BMPR1B: variants seen among roughly 807,000 people sequenced by gnomAD.
The protein encoded by BMPR1B is bone morphogenetic protein receptor type 1B.
Under a neutral mutation model 59.1 loss-of-function variants are expected in BMPR1B, and 12 were observed. The ratio of observed to expected loss-of-function variants is 0.20; its 90% CI spans 0.13 to 0.33. The LOEUF (loss-of-function observed/expected upper bound fraction) is 0.33. Among genes scored for constraint, BMPR1B ranks in the 10% least tolerant of loss-of-function variants. The pLI is 1.00. For missense variants in BMPR1B, 550 were observed against 610.9 expected (o/e 0.90, Z 1.05); for synonymous variants, 237 against 207.3 (o/e 1.14, Z -1.23).
intron 3 of BMPR1B, among the ~76,000 whole-genome samples, chr4:95,028,436 C>T (rs1043419034): frequency 6.6e-5 from 10 of 152,058 alleles, no homozygotes; most frequent in African/African-American, 1.4e-4. Context: ...CCAAGACTGT[C>T]AAGGGGTATT....
chr4:95,109,698 TTTTA>T (rs777954429), intron 4 of BMPR1B, among the ~76,000 whole-genome samples: 9,726 of 61,848 alleles, frequency 0.16, 381 homozygotes, highest in Middle Eastern at 0.23. Context: ...TAGAACTTCT[TTTTA>T]TTATTATTAT....
At chr4:94,895,408 A>G (rs576884077) in intron 2 of BMPR1B, among the ~76,000 whole-genome samples, 36 of 151,940 alleles carry the variant, frequency 2.4e-4, no homozygotes, top group Admixed American at 7.9e-4. Context: ...TCTTTTTTTT[A>G]ACAAAACCTT....
intron 1 of BMPR1B, among the ~76,000 whole-genome samples, chr4:94,790,675 T>C (rs1283926611): frequency 6.6e-6 from 1 of 152,224 alleles, no homozygotes; most frequent in Non-Finnish European, 1.5e-5. Context: ...TTGCTATATC[T>C]TCCTACAGTT....
At chr4:95,053,281 TTGTGTGTGTGTGTG>T (rs60404669) in intron 3 of BMPR1B, among the ~76,000 whole-genome samples, 11 of 134,252 alleles carry the variant, frequency 8.2e-5, no homozygotes, top group Admixed American at 1.5e-4. Context: ...TGCAGGGCAC[TTGTGTGTGTGTGTG>T]TGTGTGTGTG....
At chr4:95,152,795 T>A in intron 12 of BMPR1B, 22 bp downstream of exon 12, 1 of 1,611,028 alleles carries the variant, frequency 6.2e-7, no homozygotes, top group Non-Finnish European at 8.5e-7. Context: ...GGTAACCATG[T>A]GGCTGTGACA....
chr4:94,942,536 G>A (rs937550221), intron 2 of BMPR1B, among the ~76,000 whole-genome samples: 7 of 152,136 alleles, frequency 4.6e-5, no homozygotes, highest in East Asian at 1.9e-4. Flanking sequence ...TTAATAGGCA[G>A]CAAATTAAAT....
chr4:95,140,293 A>G (rs1734130109), intron 10 of BMPR1B, among the ~76,000 whole-genome samples: 1 of 152,160 alleles, frequency 6.6e-6, no homozygotes, highest in African/African-American at 2.4e-5. Flanking sequence ...ATGATTCCAT[A>G]TGGAACACAG....
intron 2 of BMPR1B, among the ~76,000 whole-genome samples, chr4:94,954,342 A>G (rs1404979067): frequency 1.3e-5 from 2 of 152,216 alleles, no homozygotes; most frequent in African/African-American, 4.8e-5. Flanking sequence ...GGCTGAGTGA[A>G]AAGAGTGAGA....
chr4:94,910,439 C>T (rs1728229045), intron 2 of BMPR1B, among the ~76,000 whole-genome samples: 1 of 152,068 alleles, frequency 6.6e-6, no homozygotes, highest in Non-Finnish European at 1.5e-5. Flanking sequence ...ATTGAAGTCT[C>T]TTGAATTCTT....
chr4:94,924,128 G>A (rs1292582368), intron 2 of BMPR1B, among the ~76,000 whole-genome samples: 2 of 152,086 alleles, frequency 1.3e-5, no homozygotes, highest in South Asian at 2.1e-4. Context: ...TGTATTACCC[G>A]TATATGGCAA....
chr4:94,761,530 C>T (rs1034688140), intron 1 of BMPR1B, among the ~76,000 whole-genome samples: 8 of 151,176 alleles, frequency 5.3e-5, no homozygotes, highest in East Asian at 1.9e-4. Context: ...AAGTTTTCTT[C>T]AGAGACTACC....
intron 3 of BMPR1B, among the ~76,000 whole-genome samples, chr4:95,023,898 A>G (rs564293402): frequency 1.2e-4 from 19 of 152,290 alleles, no homozygotes; most frequent in South Asian, 2.1e-4. Context: ...CATTTGTTCA[A>G]TGTGACAATA....
chr4:95,080,378 A>G (rs1003254260), intron 3 of BMPR1B, among the ~76,000 whole-genome samples: 3 of 152,100 alleles, frequency 2.0e-5, no homozygotes, highest in African/African-American at 7.2e-5. Context: ...CAGGGATTAC[A>G]GGTGTCCACA....
At chr4:94,890,607 A>T (rs928987562) in intron 2 of BMPR1B, among the ~76,000 whole-genome samples, 21 of 152,106 alleles carry the variant, frequency 1.4e-4, no homozygotes, top group African/African-American at 4.3e-4. Flanking sequence ...CTTAAACAAC[A>T]GAAGTTTATT....
chr4:94,771,770 T>A (rs991685256), intron 1 of BMPR1B, among the ~76,000 whole-genome samples: 4 of 152,208 alleles, frequency 2.6e-5, no homozygotes. Flanking sequence ...CTAACTACAG[T>A]GACATTTTAG....
chr4:95,148,935 T>TCC lies in BMPR1B; in HGVS notation c.1252+12_1252+13insCC. 6.2e-7 allele frequency: 1 copy of TCC among 1,613,820 alleles called. No homozygotes were observed. Among genetic ancestry groups the TCC allele is most frequent in the Non-Finnish European group, 8.5e-7 (1 of 1,179,738 alleles). ...ATGTGTATCAGGAGGTAAGAAACAG[T>TCC]GCTGTCTTTGAAAAGCTACTATTGG... On this transcript the variant is annotated intron_variant, in intron 11 of 12. Coordinates refer to ENST00000515059, the MANE Select transcript of BMPR1B (RefSeq NM_001203.3).
intron 1 of BMPR1B, among the ~76,000 whole-genome samples, chr4:94,768,495 A>G (rs1288744434): frequency 6.6e-6 from 1 of 151,950 alleles, no homozygotes; most frequent in Non-Finnish European, 1.5e-5. Flanking sequence ...TCACCTTCTC[A>G]TTTTTCCCTC....
At chr4:94,945,063 T>C (rs1353055714) in intron 2 of BMPR1B, among the ~76,000 whole-genome samples, 1 of 152,200 alleles carries the variant, frequency 6.6e-6, no homozygotes, top group Admixed American at 6.5e-5. Context: ...ATAGGCCCCA[T>C]GTATGGAACA....
intron 1 of BMPR1B, among the ~76,000 whole-genome samples, chr4:94,837,887 C>G (rs1724887658): frequency 1.4e-5 from 2 of 142,380 alleles, no homozygotes; most frequent in African/African-American, 5.3e-5. Context: ...ATGATATTGT[C>G]TGTGGGTTTG....
Sources: allele counts gnomAD v4.1 joint callset (sites outside exome capture counted in the v4.1 genomes callset), GRCh38; gene constraint gnomAD v4.1.1; transcripts MANE v1.5; gene names NCBI Gene and HGNC (gene_info 2026-07-23, HGNC 2026-07-21).